Variants in SYN2 observed in about 807,000 individuals in gnomAD.
SYN2 encodes synapsin II.
A neutral mutation model predicts 50.9 loss-of-function variants in SYN2; 19 were observed. That is an observed-to-expected ratio of 0.37 (90% CI 0.26 to 0.55). SYN2 has a LOEUF of 0.55. Ranked by LOEUF, SYN2 falls within the 20% of genes least tolerant of loss-of-function variation. The pLI is 0.81. For synonymous variants in SYN2, 255 were observed against 224.9 expected (o/e 1.13, Z -1.20); for missense variants, 587 against 576.4 (o/e 1.02, Z -0.19).
Position 12,004,522 on chromosome 3 carries a change from G to C in SYN2, c.-30G>C. On this transcript the variant is annotated 5_prime_UTR_variant, in exon 1 of 13. Transcript: ENST00000621198. ...TCCCTCCGCGCCACCAGACCCCGTA[G>C]CCCCGCGCGCCCCCAGCCCTTTAAG... The C allele has an allele frequency of 1.8e-6, 1 of 563,856 alleles. No homozygotes were observed. Among genetic ancestry groups the C allele is most frequent in the Non-Finnish European group, 3.3e-6 (1 of 302,736 alleles). The allele number at this position is 563,856 out of a possible 1,614,324, so 34.9% of individuals were successfully genotyped here.
rs546624356 is a variant in SYN2 at position 12,065,100 on chromosome 3, A to G, written c.377+60172A>G. On this transcript the variant is annotated intron_variant, in intron 1 of 12. Transcript: ENST00000621198. The stretch of plus-strand genomic sequence containing the variant: ...CACCTTGGAAACGTTATGCTAAGTG[A>G]AAGACGCCAGTAACAATCATCAAAT... Among the ~76,000 whole-genome samples, 20 of 152,318 alleles carry G rather than the reference A, an allele frequency of 1.3e-4. No individual in the cohort carries two copies. The East Asian group carries it at 3.9e-3, about 29-fold the overall frequency.
At chr3:12,128,429 A>G (rs1696719522) in intron 1 of SYN2, among the ~76,000 whole-genome samples, 2 of 152,344 alleles carry the variant, frequency 1.3e-5, no homozygotes, top group Non-Finnish European at 2.9e-5. Flanking sequence ...GAAAGGGAAC[A>G]TGGCCTGCCT....
intron 9 of SYN2, 46 bp downstream of exon 9, chr3:12,168,524 A>G: frequency 2.0e-6 from 3 of 1,521,658 alleles, no homozygotes; most frequent in Non-Finnish European, 2.7e-6. Context: ...AGGCTTAAGA[A>G]CTATGTGGGC....
intron 1 of SYN2, among the ~76,000 whole-genome samples, chr3:12,116,563 T>G (rs1696437432): frequency 6.6e-6 from 1 of 152,134 alleles, no homozygotes; most frequent in African/African-American, 2.4e-5. Flanking sequence ...AACCCTTTTC[T>G]AGTCATATGA....
At chr3:12,093,847 C>T (rs889281185) in intron 1 of SYN2, among the ~76,000 whole-genome samples, 1 of 136,074 alleles carries the variant, frequency 7.3e-6, no homozygotes, top group Non-Finnish European at 1.5e-5. Context: ...TATAAGAAGG[C>T]TCTGCCCTGC....
At chr3:12,030,524 G>A (rs1251492390) in intron 1 of SYN2, among the ~76,000 whole-genome samples, 2 of 151,128 alleles carry the variant, frequency 1.3e-5, no homozygotes, top group Admixed American at 1.3e-4. Context: ...CTTTTTGGTT[G>A]GTAAACTATT....
chr3:12,112,716 GA>G (rs1333110584), intron 1 of SYN2, among the ~76,000 whole-genome samples: 1 of 152,180 alleles, frequency 6.6e-6, no homozygotes, highest in African/African-American at 2.4e-5. Context: ...AATTAATAGT[GA>G]TTGGCAGACT....
chr3:12,104,786 G>T (rs1696149791), intron 1 of SYN2, among the ~76,000 whole-genome samples: 1 of 151,818 alleles, frequency 6.6e-6, no homozygotes, highest in Non-Finnish European at 1.5e-5. Flanking sequence ...TGTTGGCTAG[G>T]CTGGTCTCCT....
At chr3:12,066,848 G>T (rs979937211) in intron 1 of SYN2, among the ~76,000 whole-genome samples, 110 of 152,160 alleles carry the variant, frequency 7.2e-4, no homozygotes, top group African/African-American at 2.6e-3. Flanking sequence ...GGCTGGGGGG[G>T]GCCTCAGGAA....
chr3:12,139,383 G>A (rs893004013), intron 1 of SYN2, among the ~76,000 whole-genome samples: 1 of 152,194 alleles, frequency 6.6e-6, no homozygotes, highest in Non-Finnish European at 1.5e-5. Context: ...GTCCGTTTTT[G>A]TAGTGGTGTG....
chr3:12,187,132 T>C (rs919236571), intron 11 of SYN2, among the ~76,000 whole-genome samples: 8 of 152,170 alleles, frequency 5.3e-5, no homozygotes, highest in African/African-American at 1.9e-4. Flanking sequence ...GGTTCCTCCT[T>C]GTCCTGCTGA....
intron 5 of SYN2, among the ~76,000 whole-genome samples, chr3:12,159,900 G>T (rs377406132): frequency 6.6e-6 from 1 of 151,944 alleles, no homozygotes; most frequent in Non-Finnish European, 1.5e-5. Context: ...AAAGTTAGCC[G>T]GGCGTGGTGG....
At chr3:12,054,234 C>G (rs1217019623) in intron 1 of SYN2, among the ~76,000 whole-genome samples, 1 of 152,154 alleles carries the variant, frequency 6.6e-6, no homozygotes, top group East Asian at 1.9e-4. Context: ...TTGATTCCCC[C>G]TTATGTTCTG....
intron 1 of SYN2, among the ~76,000 whole-genome samples, chr3:12,089,894 T>C (rs1332044353): frequency 2.0e-5 from 3 of 152,192 alleles, no homozygotes; most frequent in African/African-American, 7.2e-5. Flanking sequence ...GATTTAGTCT[T>C]GTCCTTGTTC....
At chr3:12,063,781 TA>T (rs1381165442) in intron 1 of SYN2, among the ~76,000 whole-genome samples, 1 of 151,974 alleles carries the variant, frequency 6.6e-6, no homozygotes, top group Non-Finnish European at 1.5e-5. Context: ...AGTATTGGGT[TA>T]TAATCCAAAA....
chr3:12,059,217 T>A (rs1574915454), intron 1 of SYN2, among the ~76,000 whole-genome samples: 1 of 152,150 alleles, frequency 6.6e-6, no homozygotes, highest in Non-Finnish European at 1.5e-5. Flanking sequence ...GTAAGGGTTT[T>A]TATAGGCAGG....
intron 4 of SYN2, among the ~76,000 whole-genome samples, chr3:12,149,884 G>C (rs1052939183): frequency 6.6e-6 from 1 of 152,230 alleles, no homozygotes; most frequent in African/African-American, 2.4e-5. Context: ...ATAATAAAGA[G>C]ATATTCTTTA....
intron 1 of SYN2, among the ~76,000 whole-genome samples, chr3:12,128,298 C>T (rs1408791026): frequency 1.3e-5 from 2 of 152,122 alleles, no homozygotes; most frequent in Non-Finnish European, 2.9e-5. Flanking sequence ...GAGTGGAAAT[C>T]GGGTCCTCAG....
At chr3:12,006,721 C>T (rs1200031548) in intron 1 of SYN2, among the ~76,000 whole-genome samples, 5 of 152,062 alleles carry the variant, frequency 3.3e-5, no homozygotes, top group African/African-American at 1.2e-4. Context: ...GTGTGGGGGC[C>T]TTTTAAGAGA....
Sources: allele counts gnomAD v4.1 joint callset (sites outside exome capture counted in the v4.1 genomes callset), GRCh38; gene constraint gnomAD v4.1.1; transcripts MANE v1.5; gene names NCBI Gene and HGNC (gene_info 2026-07-23, HGNC 2026-07-21).